ATP8B1: variants seen among roughly 807,000 people sequenced by gnomAD.
ATP8B1 encodes the protein phospholipid-transporting ATPase IC.
In ATP8B1, 80 loss-of-function variants were observed where a neutral mutation model predicts 149.9. That is an observed-to-expected ratio of 0.53 (90% CI 0.45 to 0.64). The LOEUF (loss-of-function observed/expected upper bound fraction) is 0.64, where lower values mean the gene tolerates loss of function less well. Among genes scored for constraint, ATP8B1 ranks in the 30% least tolerant of loss-of-function variants. The pLI, the probability that ATP8B1 is intolerant of heterozygous loss-of-function variation, is 0.00. For synonymous variants in ATP8B1, 536 were observed against 562.8 expected (o/e 0.95, Z 0.67); for missense variants, 1,247 against 1,552.6 (o/e 0.80, Z 3.31).
rs566728161 is a variant in ATP8B1 at position 57,759,155 on chromosome 18, C to CAAAAAAAAAAAAAAAAAAAAAAAAAAAA, written c.-25-27324_-25-27323insTTTTTTTTTTTTTTTTTTTTTTTTTTTT. Among the ~76,000 whole-genome samples, 34 of 106,294 alleles carry CAAAAAAAAAAAAAAAAAAAAAAAAAAAA rather than the reference C, an allele frequency of 3.2e-4. 1 individual carries two copies. The highest frequency in any genetic ancestry group is 7.0e-4 in the South Asian group (2 of 2,858). The allele number at this position is 106,294 out of a possible 152,430, so 69.7% of individuals were successfully genotyped here. A position where few individuals can be genotyped will look rare whatever the true frequency, so the allele number is the denominator to read the frequency against. Reference sequence around the variant, plus strand: ...TGGGCGACAGAACGAGATTCCATCTCAAAAAAAAAAAAAAAAAAAAAAAAA... The same window carrying CAAAAAAAAAAAAAAAAAAAAAAAAAAAA: ...TGGGCGACAGAACGAGATTCCATCTCAAAAAAAAAAAAAAAAAAAAAAAAAAAAAAAAAAAAAAAAAAAAAAAAAAAAA... On this transcript the variant is annotated intron_variant, in intron 1 of 27. Coordinates refer to ENST00000648908, the MANE Select transcript of ATP8B1 (RefSeq NM_001374385.1).
chr18:57,737,281 T>G lies in ATP8B1; in HGVS notation c.-25-5449A>C, dbSNP rs559666211. Among the ~76,000 whole-genome samples the G allele has an allele frequency of 9.9e-5, 15 of 152,180 alleles. No individual in the cohort carries two copies. The East Asian group carries it at 2.9e-3, about 29-fold the overall frequency. ...TCCCTACTTTTATTTTTTTTTTAAT[T>G]TCTTAAAGCTGTACCATTGGAGAAT... is the stretch of plus-strand genomic sequence containing the variant. On this transcript the variant is annotated intron_variant, in intron 1 of 27. Coordinates refer to ENST00000648908, the MANE Select transcript of ATP8B1 (RefSeq NM_001374385.1).
At chr18:57,793,435 G>A (rs1007255018) in intron 1 of ATP8B1, among the ~76,000 whole-genome samples, 3 of 151,912 alleles carry the variant, frequency 2.0e-5, no homozygotes, top group Admixed American at 1.3e-4. Context: ...TTGAACTCCC[G>A]GATTGGGAGC....
chr18:57,792,533 C>G (rs538886740), intron 1 of ATP8B1, among the ~76,000 whole-genome samples: 4 of 152,042 alleles, frequency 2.6e-5, no homozygotes, highest in Non-Finnish European at 5.9e-5. Context: ...ACATAAAATG[C>G]CCGGAATCGG....
intron 15 of ATP8B1, among the ~76,000 whole-genome samples, chr18:57,682,737 A>G (rs1381684818): frequency 6.6e-6 from 1 of 151,602 alleles, no homozygotes; most frequent in Admixed American, 6.6e-5. Context: ...CCTAATCTGA[A>G]CTCTGTTACC....
intron 1 of ATP8B1, among the ~76,000 whole-genome samples, chr18:57,760,947 C>G (rs796425880): frequency 8.6e-4 from 130 of 151,682 alleles, no homozygotes; most frequent in African/African-American, 3.1e-3. Context: ...CGAGATCGCA[C>G]CACCGCCCTC....
chr18:57,704,690 A>C (rs1205674061), intron 3 of ATP8B1, 22 bp from the exon 4 acceptor site: 1 of 1,418,320 alleles, frequency 7.1e-7, no homozygotes. Flanking sequence ...AATAAGAGTC[A>C]TTCTAAATGA....
At chr18:57,668,287 G>A in intron 19 of ATP8B1, 142 bp downstream of exon 19, 16 of 1,329,216 alleles carry the variant, frequency 1.2e-5, no homozygotes, top group Non-Finnish European at 1.5e-5. Flanking sequence ...ACAGAGGAGG[G>A]TTTCTCAGAA....
chr18:57,710,525 G>A (rs1457117902), intron 2 of ATP8B1, among the ~76,000 whole-genome samples: 1 of 152,010 alleles, frequency 6.6e-6, no homozygotes, highest in Non-Finnish European at 1.5e-5. Context: ...AAGCTGCACT[G>A]GTTGGTACAC....
At chr18:57,658,325 C>T (rs1568181718) in intron 22 of ATP8B1, among the ~76,000 whole-genome samples, 1 of 152,230 alleles carries the variant, frequency 6.6e-6, no homozygotes, top group African/African-American at 2.4e-5. Context: ...GCTGGGATTA[C>T]AGGCATGAGC....
chr18:57,719,178 C>T (rs921060362), intron 2 of ATP8B1, among the ~76,000 whole-genome samples: 1 of 152,198 alleles, frequency 6.6e-6, no homozygotes, highest in Non-Finnish European at 1.5e-5. Flanking sequence ...AATCAACATA[C>T]AGAAATCAGT....
At chr18:57,691,234 C>G (rs568817534) in intron 12 of ATP8B1, among the ~76,000 whole-genome samples, 1 of 151,618 alleles carries the variant, frequency 6.6e-6, no homozygotes, top group East Asian at 1.9e-4. Context: ...AAATCAGCTG[C>G]TTACCACTTA....
chr18:57,704,426 TC>T, intron 4 of ATP8B1, 128 bp downstream of exon 4: 1 of 698,462 alleles, frequency 1.4e-6, no homozygotes, highest in Non-Finnish European at 2.5e-6. Flanking sequence ...GAGGCACTGT[TC>T]CTTTATGTAC....
At chr18:57,718,377 A>G (rs1293389620) in intron 2 of ATP8B1, among the ~76,000 whole-genome samples, 1 of 152,202 alleles carries the variant, frequency 6.6e-6, no homozygotes, top group Non-Finnish European at 1.5e-5. Flanking sequence ...AAAGTCTCTC[A>G]GCAAAGAAAA....
In ATP8B1 at chr18:57,704,638, C is replaced by T. The variant is rs756439394; in HGVS notation, c.310G>A (p.Ala104Thr). 6.8e-5 allele frequency: 110 copies of T among 1,609,392 alleles called. No individual in the cohort carries two copies. The highest frequency in any genetic ancestry group is 9.3e-5 in the African/African-American group (7 of 74,910). Residue 104 changes from alanine (A) to threonine (T), a missense_variant, in exon 4 of 28, where the codon GCA becomes ACA. Transcript: ENST00000648908. ...NNAIKTYKYNAFTFIPMNLFE... is the reference protein window; with the variant it reads ...NNAIKTYKYNTFTFIPMNLFE... ...AGATTCATTGGTATAAAGGTAAATG[C>T]GTTGTACTTGTATGTTTTAATTGCA... is the stretch of plus-strand genomic sequence containing the variant.
chr18:57,695,346 A>G lies in ATP8B1; in HGVS notation c.782-17T>C, dbSNP rs1912756851. 1 of 1,593,218 alleles carries G rather than the reference A, an allele frequency of 6.3e-7. No homozygotes were observed. The highest frequency in any genetic ancestry group is 1.3e-5 in the African/African-American group (1 of 74,342). ...CAATAAAACCTTTTAAAAATATAAGATTCACATAATTAATCACATACAAAA... is the reference window on the plus strand; with the variant it reads ...CAATAAAACCTTTTAAAAATATAAGGTTCACATAATTAATCACATACAAAA... On this transcript the variant is annotated splice_polypyrimidine_tract_variant and intron_variant, in intron 9 of 27. Coordinates refer to ENST00000648908, the MANE Select transcript of ATP8B1 (RefSeq NM_001374385.1).
intron 1 of ATP8B1, chr18:57,738,176 C>T (rs1034342134): frequency 6.6e-6 from 1 of 152,244 alleles, no homozygotes; most frequent in African/African-American, 2.4e-5. Flanking sequence ...TTCATAATGT[C>T]TCTGACCACC....
intron 1 of ATP8B1, among the ~76,000 whole-genome samples, chr18:57,782,803 C>CTT (rs79009229): frequency 0.068 from 6,200 of 90,700 alleles, 1,557 homozygotes; most frequent in Middle Eastern, 0.1. Context: ...TAGTTTGTCT[C>CTT]TTTTTTTTTT....
At chr18:57,678,049 A>C (rs1039216390) in intron 15 of ATP8B1, among the ~76,000 whole-genome samples, 1 of 152,186 alleles carries the variant, frequency 6.6e-6, no homozygotes, top group Non-Finnish European at 1.5e-5. Flanking sequence ...CCAAATTCCA[A>C]CCTTATGACT....
chr18:57,758,007 A>C (rs2123307684), intron 1 of ATP8B1, among the ~76,000 whole-genome samples: 1 of 152,114 alleles, frequency 6.6e-6, no homozygotes, highest in East Asian at 1.9e-4. Context: ...ACTTATATTT[A>C]AATATAACTT....
Sources: gnomAD v4.1 joint callset for allele counts (sites outside exome capture counted in the v4.1 genomes callset) on GRCh38, gnomAD v4.1.1 for gene constraint, MANE v1.5 for transcripts, NCBI Gene and HGNC (gene_info 2026-07-23, HGNC 2026-07-21) for gene names.